Variants in MINDY4 observed in about 807,000 individuals in gnomAD.
MINDY4 encodes probable ubiquitin carboxyl-terminal hydrolase MINDY-4.
MINDY4 carries 68 observed loss-of-function variants against 87.0 expected under a neutral mutation model. That is an observed-to-expected ratio of 0.78 (90% CI 0.64 to 0.96). The LOEUF is 0.96. MINDY4 is among the 40% of genes least tolerant of loss of function. MINDY4 has a pLI of 0.00. For synonymous variants in MINDY4, 379 were observed against 363.2 expected (o/e 1.04, Z -0.50); for missense variants, 919 against 928.2 (o/e 0.99, Z 0.13).
intron 4 of MINDY4, 66 bp downstream of exon 4, chr7:30,786,058 C>T (rs1030643068): frequency 2.3e-4 from 367 of 1,586,922 alleles, no homozygotes; most frequent in African/African-American, 4.3e-4. Flanking sequence ...GCTTAAGGCA[C>T]GCCTGGGTTT....
intron 9 of MINDY4, among the ~76,000 whole-genome samples, chr7:30,849,983 CT>C (rs1789353869): frequency 6.6e-6 from 1 of 152,266 alleles, no homozygotes; most frequent in Non-Finnish European, 1.5e-5. Flanking sequence ...CTGCTGTCCC[CT>C]TGGCCCTGGC....
intron 5 of MINDY4, among the ~76,000 whole-genome samples, chr7:30,794,507 G>T (rs1427790618): frequency 6.6e-6 from 1 of 152,114 alleles, no homozygotes; most frequent in African/African-American, 2.4e-5. Context: ...AGGGGCACAG[G>T]TGGGGTTAGG....
chr7:30,818,474 A>G (rs1788229815), intron 5 of MINDY4, among the ~76,000 whole-genome samples: 2 of 152,226 alleles, frequency 1.3e-5, no homozygotes. Flanking sequence ...TAATTCTCAC[A>G]ACAGTCTTTT....
At chr7:30,823,194 C>CT (rs1004258224) in intron 5 of MINDY4, among the ~76,000 whole-genome samples, 14 of 152,220 alleles carry the variant, frequency 9.2e-5, no homozygotes, top group African/African-American at 3.4e-4. Context: ...GTATGTCACT[C>CT]TGTCTATCAT....
intron 16 of MINDY4, among the ~76,000 whole-genome samples, chr7:30,882,658 G>A (rs1333466082): frequency 4.6e-5 from 7 of 152,196 alleles, no homozygotes. Context: ...AGGCAGTGGC[G>A]AGCCATGGAA....
chr7:30,882,129 G>A (rs555088112), intron 15 of MINDY4, 52 bp from the exon 16 acceptor site: 160 of 1,529,208 alleles, frequency 1.0e-4, no homozygotes, highest in East Asian at 1.6e-4. Context: ...AAAAATGCCC[G>A]GACCCCTTTC....
chr7:30,825,041 G>A (rs550725211), intron 5 of MINDY4, among the ~76,000 whole-genome samples: 18 of 152,308 alleles, frequency 1.2e-4, no homozygotes, highest in African/African-American at 4.3e-4. Flanking sequence ...GTCGAGCCGA[G>A]TTCTGCCACT....
intron 17 of MINDY4, among the ~76,000 whole-genome samples, chr7:30,889,016 G>A (rs1001024116): frequency 6.6e-6 from 1 of 152,142 alleles, no homozygotes; most frequent in African/African-American, 2.4e-5. Flanking sequence ...TGAGTGGGGA[G>A]GGTAAAGGCT....
intron 4 of MINDY4, chr7:30,786,365 T>G: frequency 5.6e-6 from 1 of 179,284 alleles, no homozygotes; most frequent in Non-Finnish European, 1.2e-5. Context: ...GTAATCCCAA[T>G]GCTTTGGGAG....
At chr7:30,882,817 G>A in intron 16 of MINDY4, 104 bp from the exon 17 acceptor site, 1 of 958,098 alleles carries the variant, frequency 1.0e-6, no homozygotes, top group Non-Finnish European at 1.6e-6. Flanking sequence ...GGAGAGGAGG[G>A]GACAGGGACT....
At chr7:30,850,790 G>A (rs1789391743) in intron 10 of MINDY4, among the ~76,000 whole-genome samples, 1 of 152,186 alleles carries the variant, frequency 6.6e-6, no homozygotes, top group Admixed American at 6.5e-5. Flanking sequence ...ATGTTGGAAG[G>A]CGTGGTCTGT....
chr7:30,859,068 C>T lies in MINDY4; in HGVS notation c.1678-189C>T, dbSNP rs182859912. The T allele has an allele frequency of 7.1e-5, 51 of 717,048 alleles. No homozygotes were observed. The East Asian group carries it at 1.3e-3, about 19-fold the overall frequency. 44.4% of individuals were successfully genotyped at this position (717,048 alleles called of 1,614,324 possible). ...ATCACCCTCGCTCTGCTGTCATTGT[C>T]ATTCAGGTTGTTGCAATGTCCCATC... On this transcript the variant is annotated intron_variant, in intron 12 of 17. Transcript: ENST00000265299.
chr7:30,890,289 G>A (rs914282062), intron 17 of MINDY4, among the ~76,000 whole-genome samples: 2 of 152,252 alleles, frequency 1.3e-5, no homozygotes, highest in Non-Finnish European at 2.9e-5. Context: ...GGAGCACAAC[G>A]TAGGGCAGGA....
intron 12 of MINDY4, among the ~76,000 whole-genome samples, chr7:30,857,318 T>C (rs920307226): frequency 5.9e-5 from 9 of 152,202 alleles, no homozygotes. Context: ...ACTTGAAGTC[T>C]GTGTTGAAGG....
chr7:30,838,962 A>G (rs1200807196), intron 7 of MINDY4, among the ~76,000 whole-genome samples: 1 of 152,238 alleles, frequency 6.6e-6, no homozygotes, highest in Non-Finnish European at 1.5e-5. Flanking sequence ...GGCCCATGTC[A>G]GCACAGGCTA....
chr7:30,883,025 C>T lies in MINDY4; in HGVS notation c.2225+32C>T, dbSNP rs373185184. On this transcript the variant is annotated intron_variant, in intron 17 of 17. Coordinates refer to ENST00000265299, the MANE Select transcript of MINDY4 (RefSeq NM_032222.3). ...CAAGCCCCTCTCTGGCTTTGAGCCT[C>T]ACCCTGAATAGCTTTGAGGAGCCAT... 13 of 1,606,444 alleles carry T rather than the reference C, an allele frequency of 8.1e-6. No individual in the cohort carries two copies. In the African/African-American group the frequency reaches 1.1e-4, roughly 13 times the overall value.
intron 1 of MINDY4, among the ~76,000 whole-genome samples, chr7:30,773,005 GC>G (rs1362150847): frequency 6.6e-6 from 1 of 152,000 alleles, no homozygotes; most frequent in African/African-American, 2.4e-5. Flanking sequence ...ACTTGACATG[GC>G]CGAGTTCCCC....
At chr7:30,771,989 A>G (rs1786654572) in intron 1 of MINDY4, among the ~76,000 whole-genome samples, 1 of 152,274 alleles carries the variant, frequency 6.6e-6, no homozygotes, top group South Asian at 2.1e-4. Context: ...CCAAAAGCCC[A>G]GAAAAGTTCT....
chr7:30,840,756 G>T lies in MINDY4; in HGVS notation c.1357-4G>T, dbSNP rs763533833. ...ACTGGCAGCAATGGTCTCATTCTTTGCAGGGTGGTCCTTGCGGAGTCCTGG... is the reference window on the plus strand; with the variant it reads ...ACTGGCAGCAATGGTCTCATTCTTTTCAGGGTGGTCCTTGCGGAGTCCTGG... On this transcript the variant is annotated splice_polypyrimidine_tract_variant and splice_region_variant and intron_variant, in intron 8 of 17. Transcript: ENST00000265299. 1 of 1,613,628 alleles carries T rather than the reference G, an allele frequency of 6.2e-7. No individual in the cohort carries two copies. Among genetic ancestry groups the T allele is most frequent in the East Asian group, 2.2e-5 (1 of 44,888 alleles).
Sources: allele counts gnomAD v4.1 joint callset (sites outside exome capture counted in the v4.1 genomes callset), GRCh38; gene constraint gnomAD v4.1.1; transcripts MANE v1.5; gene names NCBI Gene and HGNC (gene_info 2026-07-23, HGNC 2026-07-21).